The following DPYD variants were observed in gnomAD, a reference collection of about 807,000 sequenced individuals.
DPYD encodes the protein dihydropyrimidine dehydrogenase, also known as dihydropyrimidine dehydrogenase [NADP(+)].
In DPYD, 109 loss-of-function variants were observed where a neutral mutation model predicts 116.2. The ratio of observed to expected loss-of-function variants is 0.94; its 90% confidence interval spans 0.80 to 1.10. The LOEUF is 1.10. Among genes scored for constraint, DPYD ranks in the 50% least tolerant of loss-of-function variants. The probability of loss-of-function intolerance (pLI) is 0.00; values close to 1 mark genes in which losing one functional copy is unlikely to be tolerated. For synonymous variants in DPYD, 440 were observed against 432.0 expected (o/e 1.02, Z -0.23); for missense variants, 1,302 against 1,254.5 (o/e 1.04, Z -0.57).
chr1:97,164,014 G>A (rs1438966890), intron 20 of DPYD, among the ~76,000 whole-genome samples: 1 of 152,114 alleles, frequency 6.6e-6, no homozygotes, highest in East Asian at 1.9e-4. Flanking sequence ...GAACACTGAT[G>A]CTAAATTCTT....
intron 1 of DPYD, among the ~76,000 whole-genome samples, chr1:97,909,620 C>CT (rs66481012): frequency 0.98 from 148,473 of 152,146 alleles, 72,563 homozygotes; most frequent in Middle Eastern, 1. Flanking sequence ...ATGCCCTCAA[C>CT]TACCCTCCCA....
At position 97,893,936 on chromosome 1, in the gene DPYD, A is replaced by G. The variant is rs188592724; in HGVS notation, c.40-10562T>C. The stretch of plus-strand genomic sequence containing the variant: ...ACAATTCAAACACAAGAATAATAAC[A>G]TCTGATATTAACCTCACAATTCTTA... On this transcript the variant is annotated intron_variant, in intron 1 of 22. Coordinates refer to ENST00000370192, the MANE Select transcript of DPYD (RefSeq NM_000110.4). 2.0e-5 allele frequency among the ~76,000 whole-genome samples: 3 copies of G among 151,958 alleles called. No individual in the cohort carries two copies. In the East Asian group the frequency reaches 5.8e-4, roughly 30 times the overall value.
At chr1:97,801,249 G>A (rs1206433346) in intron 3 of DPYD, among the ~76,000 whole-genome samples, 1 of 151,746 alleles carries the variant, frequency 6.6e-6, no homozygotes, top group Admixed American at 6.6e-5. Flanking sequence ...TCAGAAAGAG[G>A]GCCTTCACCA....
intron 8 of DPYD, among the ~76,000 whole-genome samples, chr1:97,640,590 T>G (rs912179914): frequency 6.6e-6 from 1 of 152,210 alleles, no homozygotes; most frequent in African/African-American, 2.4e-5. Flanking sequence ...ATTATAGGTG[T>G]GAGCCACTGT....
intron 13 of DPYD, among the ~76,000 whole-genome samples, chr1:97,494,377 A>G (rs958848477): frequency 6.6e-6 from 1 of 152,144 alleles, no homozygotes; most frequent in African/African-American, 2.4e-5. Flanking sequence ...AAAAGAATTT[A>G]AATTTAGCAT....
intron 18 of DPYD, among the ~76,000 whole-genome samples, chr1:97,297,858 C>T (rs890715644): frequency 6.6e-6 from 1 of 152,210 alleles, no homozygotes; most frequent in African/African-American, 2.4e-5. Flanking sequence ...GCCTAACTCA[C>T]ACCTGTTTCC....
At chr1:97,248,362 C>G (rs1177467764) in intron 18 of DPYD, among the ~76,000 whole-genome samples, 2 of 152,142 alleles carry the variant, frequency 1.3e-5, no homozygotes, top group African/African-American at 2.4e-5. Context: ...TTGCCTTGCA[C>G]AAGCTCTCTT....
intron 13 of DPYD, among the ~76,000 whole-genome samples, chr1:97,456,337 C>T (rs1406344276): frequency 6.6e-6 from 1 of 151,992 alleles, no homozygotes; most frequent in Non-Finnish European, 1.5e-5. Flanking sequence ...TTTCACATAA[C>T]ACACACAAAT....
In DPYD at chr1:97,619,028, T is replaced by C. The variant is rs1407163017; in HGVS notation, c.851-23862A>G. On this transcript the variant is annotated intron_variant, in intron 8 of 22. Transcript: ENST00000370192. ...TTCCTTTTTATGATTTTTGTTTCTA[T>C]TTGATGTGGATATCCACCAGACTGT... 3.3e-5 allele frequency among the ~76,000 whole-genome samples: 5 copies of C among 152,330 alleles called. No homozygotes were observed. The East Asian group carries it at 7.7e-4, about 24-fold the overall frequency.
chr1:97,515,298 A>G (rs574499825), intron 13 of DPYD, among the ~76,000 whole-genome samples: 1 of 151,958 alleles, frequency 6.6e-6, no homozygotes, highest in African/African-American at 2.4e-5. Flanking sequence ...TTCCAAATTT[A>G]TAAAGAATCT....
intron 1 of DPYD, among the ~76,000 whole-genome samples, chr1:97,900,780 TC>T (rs1392382143): frequency 6.6e-6 from 1 of 151,568 alleles, no homozygotes; most frequent in Non-Finnish European, 1.5e-5. Context: ...TGCACACAAC[TC>T]CCTCCCCAAA....
At chr1:97,520,010 C>A (rs1648523907) in intron 12 of DPYD, among the ~76,000 whole-genome samples, 1 of 151,992 alleles carries the variant, frequency 6.6e-6, no homozygotes, top group African/African-American at 2.4e-5. Flanking sequence ...TATTAAAATG[C>A]ATTAACTTCC....
At chr1:97,613,528 C>T (rs1211803801) in intron 8 of DPYD, among the ~76,000 whole-genome samples, 1 of 151,984 alleles carries the variant, frequency 6.6e-6, no homozygotes, top group African/African-American at 2.4e-5. Flanking sequence ...AAATCTGGGG[C>T]ATACTGAGTG....
At chr1:97,279,799 A>C (rs556407829) in intron 18 of DPYD, among the ~76,000 whole-genome samples, 205 of 152,206 alleles carry the variant, frequency 1.3e-3, no homozygotes, top group Non-Finnish European at 2.6e-3. Flanking sequence ...CGTGAGACAG[A>C]AATTTATTTT....
chr1:97,853,873 G>A (rs918140813), intron 2 of DPYD, among the ~76,000 whole-genome samples: 1 of 152,032 alleles, frequency 6.6e-6, no homozygotes, highest in Non-Finnish European at 1.5e-5. Flanking sequence ...TAATAAACCA[G>A]TCCATGTGGA....
At chr1:97,185,132 A>C (rs1657906945) in intron 20 of DPYD, among the ~76,000 whole-genome samples, 1 of 152,174 alleles carries the variant, frequency 6.6e-6, no homozygotes, top group Non-Finnish European at 1.5e-5. Flanking sequence ...AGAATGATTA[A>C]GAACTCCAAG....
At chr1:97,542,877 C>T (rs569079700) in intron 12 of DPYD, among the ~76,000 whole-genome samples, 96 of 152,206 alleles carry the variant, frequency 6.3e-4, no homozygotes, top group African/African-American at 2.2e-3. Context: ...TTGCAACTAC[C>T]TAAAATATCC....
intron 8 of DPYD, among the ~76,000 whole-genome samples, chr1:97,661,828 A>G (rs1659274486): frequency 6.6e-6 from 1 of 151,942 alleles, no homozygotes; most frequent in Non-Finnish European, 1.5e-5. Context: ...CCCCAATCTA[A>G]TATTTTTAAG....
At chr1:97,540,531 G>A (rs990884236) in intron 12 of DPYD, among the ~76,000 whole-genome samples, 12 of 152,144 alleles carry the variant, frequency 7.9e-5, no homozygotes, top group African/African-American at 2.4e-4. Flanking sequence ...GCTGGGGTGT[G>A]CCACCTTCTT....
Sources: allele counts gnomAD v4.1 joint callset (sites outside exome capture counted in the v4.1 genomes callset), GRCh38; gene constraint gnomAD v4.1.1; transcripts MANE v1.5; gene names NCBI Gene and HGNC (gene_info 2026-07-23, HGNC 2026-07-21).